The following TEC variants were observed in gnomAD, a reference collection of about 807,000 sequenced individuals.
The protein encoded by TEC is tec protein tyrosine kinase.
Under a neutral mutation model 93.0 loss-of-function variants are expected in TEC, and 72 were observed. The observed-to-expected ratio is 0.77, with a 90% CI of 0.64 to 0.94. TEC has a LOEUF of 0.94. Among genes scored for constraint, TEC ranks in the 40% least tolerant of loss-of-function variants. The pLI, the probability that TEC is intolerant of heterozygous loss-of-function variation, is 0.00. For missense variants in TEC, 630 were observed against 757.9 expected (o/e 0.83, Z 1.98); for synonymous variants, 249 against 247.7 (o/e 1.01, Z -0.05).
chr4:48,264,014 C>G (rs1322427546), intron 1 of TEC, among the ~76,000 whole-genome samples: 1 of 152,120 alleles, frequency 6.6e-6, no homozygotes, highest in Non-Finnish European at 1.5e-5. Context: ...GCAGACTGGA[C>G]AAAAACCTCT....
chr4:48,173,907 A>C (rs1246386327), intron 3 of TEC, among the ~76,000 whole-genome samples: 1 of 152,130 alleles, frequency 6.6e-6, no homozygotes, highest in Non-Finnish European at 1.5e-5. Context: ...CATTCTCTCC[A>C]TCCGTCCTAC....
At chr4:48,148,312 G>C (rs929915292) in intron 11 of TEC, among the ~76,000 whole-genome samples, 4 of 151,978 alleles carry the variant, frequency 2.6e-5, no homozygotes, top group African/African-American at 9.7e-5. Context: ...AAAATAATAG[G>C]CTTTGCAAAG....
At chr4:48,145,669 A>C in intron 12 of TEC, 90 bp from the exon 13 acceptor site, 5 of 1,391,426 alleles carry the variant, frequency 3.6e-6, no homozygotes, top group Non-Finnish European at 4.0e-6. Flanking sequence ...AACCAAGATC[A>C]ACCTCAAAAT....
rs572925629 is a variant in TEC, at chr4:48,189,204, G to C, written c.139-13018C>G. Among the ~76,000 whole-genome samples the C allele has an allele frequency of 4.6e-5, 7 of 152,256 alleles. No homozygotes were observed. In the South Asian group the frequency reaches 1.2e-3, roughly 27 times the overall value. ...AACGGCTGAAGTTTGGGCAACACTG[G>C]CTGAAATTATCTCTTTATTTTGAAT... On this transcript the variant is annotated intron_variant, in intron 2 of 17. Coordinates refer to ENST00000381501, the MANE Select transcript of TEC (RefSeq NM_003215.3).
intron 1 of TEC, among the ~76,000 whole-genome samples, chr4:48,267,783 C>T (rs562869280): frequency 6.6e-6 from 1 of 152,194 alleles, no homozygotes; most frequent in Non-Finnish European, 1.5e-5. Context: ...AGACCAAGTA[C>T]CCCTGCCCTG....
intron 1 of TEC, among the ~76,000 whole-genome samples, chr4:48,253,841 G>A (rs573717349): frequency 9.2e-5 from 14 of 152,070 alleles, no homozygotes; most frequent in South Asian, 4.2e-4. Context: ...CCCCCAAAGC[G>A]CTGGTATTAT....
At chr4:48,142,034 A>G (rs140630306) in intron 14 of TEC, among the ~76,000 whole-genome samples, 2 of 151,994 alleles carry the variant, frequency 1.3e-5, no homozygotes, top group African/African-American at 4.8e-5. Context: ...AAACTATCCA[A>G]TTTTCTTACT....
chr4:48,177,150 T>C (rs1419120926), intron 2 of TEC, among the ~76,000 whole-genome samples: 1 of 152,188 alleles, frequency 6.6e-6, no homozygotes, highest in Non-Finnish European at 1.5e-5. Context: ...TATCCCACAC[T>C]TGGGAATTTA....
At chr4:48,144,828 T>A (rs996222) in intron 14 of TEC, among the ~76,000 whole-genome samples, 48,443 of 152,142 alleles carry the variant, frequency 0.32, 8,424 homozygotes, top group Non-Finnish European at 0.39. Flanking sequence ...AGCTATCTCA[T>A]GGGATTCTTA....
At chr4:48,156,829 A>C in intron 8 of TEC, 95 bp from the exon 9 acceptor site, 1 of 912,518 alleles carries the variant, frequency 1.1e-6, no homozygotes, top group South Asian at 2.0e-5. Context: ...CATCAATAAT[A>C]AATATAACAA....
chr4:48,268,269 C>G (rs554454603), intron 1 of TEC, among the ~76,000 whole-genome samples: 1 of 152,314 alleles, frequency 6.6e-6, no homozygotes, highest in South Asian at 2.1e-4. Context: ...CTATGTGGGG[C>G]AAAGGTATTG....
At chr4:48,252,385 C>T (rs1560426016) in intron 1 of TEC, among the ~76,000 whole-genome samples, 2 of 152,092 alleles carry the variant, frequency 1.3e-5, no homozygotes, top group Admixed American at 1.3e-4. Context: ...GTTGAGTCTG[C>T]TTAATTTTTT....
chr4:48,226,541 T>C (rs1451263336), intron 2 of TEC, among the ~76,000 whole-genome samples: 1 of 152,118 alleles, frequency 6.6e-6, no homozygotes, highest in African/African-American at 2.4e-5. Flanking sequence ...AAATAGTAAA[T>C]CTATTTTCTC....
At chr4:48,227,043 T>C (rs769482157) in intron 2 of TEC, among the ~76,000 whole-genome samples, 15 of 152,140 alleles carry the variant, frequency 9.9e-5, no homozygotes, top group Non-Finnish European at 1.8e-4. Flanking sequence ...TCTGCACACA[T>C]AGACATGTAC....
chr4:48,201,483 G>A (rs947247492), intron 2 of TEC, among the ~76,000 whole-genome samples: 9 of 152,204 alleles, frequency 5.9e-5, no homozygotes, highest in African/African-American at 1.9e-4. Flanking sequence ...GCACATGTGA[G>A]AGGCGGGCAG....
chr4:48,228,395 C>G, intron 2 of TEC, 82 bp downstream of exon 2: 2 of 1,401,216 alleles, frequency 1.4e-6, no homozygotes, highest in Non-Finnish European at 1.9e-6. Context: ...AAAGCATTTT[C>G]AATAAGATTG....
At chr4:48,226,978 A>C (rs1723486885) in intron 2 of TEC, among the ~76,000 whole-genome samples, 1 of 152,240 alleles carries the variant, frequency 6.6e-6, no homozygotes. Flanking sequence ...CATATGTTAC[A>C]TAATAGTCCC....
chr4:48,209,409 C>T (rs908123351), intron 2 of TEC, among the ~76,000 whole-genome samples: 18 of 150,896 alleles, frequency 1.2e-4, no homozygotes, highest in Admixed American at 2.6e-4. Flanking sequence ...TTGAGACCAG[C>T]CTGGCAACAT....
intron 2 of TEC, among the ~76,000 whole-genome samples, chr4:48,223,993 T>C (rs778125597): frequency 4.6e-5 from 7 of 152,206 alleles, no homozygotes; most frequent in Non-Finnish European, 7.4e-5. Context: ...TAGGATAAGA[T>C]TCTTGGAAGC....
Sources: allele counts gnomAD v4.1 joint callset (sites outside exome capture counted in the v4.1 genomes callset), GRCh38; gene constraint gnomAD v4.1.1; transcripts MANE v1.5; gene names NCBI Gene and HGNC (gene_info 2026-07-23, HGNC 2026-07-21).